The following FRY variants were observed in gnomAD, a reference collection of about 807,000 sequenced individuals.
FRY encodes the protein FRY microtubule binding protein, also known as protein furry homolog.
FRY carries 128 observed loss-of-function variants against 348.4 expected under a neutral mutation model. The observed-to-expected ratio is 0.37, with a 90% CI of 0.32 to 0.43. The LOEUF is 0.43. Ranked by LOEUF, FRY falls within the 20% of genes least tolerant of loss-of-function variation. The pLI, the probability that FRY is intolerant of heterozygous loss-of-function variation, is 1.00. For synonymous variants in FRY, 1,370 were observed against 1,374.7 expected, an observed-to-expected ratio of 1.00 and a Z score of 0.08; for missense variants, 2,736 against 3,695.2, an observed-to-expected ratio of 0.74 and a Z score of 6.73.
In FRY at chr13:32,225,008, A is replaced by G. The variant is rs1218996229; in HGVS notation, c.4992A>G (p.Leu1664=). The change falls in exon 38 of 61, where the codon CTA becomes CTG. Residue 1664 remains leucine (L), a synonymous_variant. Transcript: ENST00000542859. The stretch of plus-strand genomic sequence containing the variant: ...TACGAGAAGACTGGGCGCTTCATCT[A>G]CCATTATTACTTCATGCTGTCTTCT... ...HSVREDWALH[L]PLLLHAVFLG... The G allele has an allele frequency of 1.9e-6, 3 of 1,606,688 alleles. No individual in the cohort carries two copies. Among genetic ancestry groups the G allele is most frequent in the African/African-American group, 2.7e-5 (2 of 74,798 alleles).
chr13:32,177,176 T>G (rs1324412154), intron 20 of FRY, among the ~76,000 whole-genome samples: 1 of 152,228 alleles, frequency 6.6e-6, no homozygotes, highest in Non-Finnish European at 1.5e-5. Context: ...CCCCTGAACT[T>G]TGGTATCTAG....
At chr13:32,210,811 G>A in intron 33 of FRY, 55 bp from the exon 34 acceptor site, 1 of 1,438,870 alleles carries the variant, frequency 6.9e-7, no homozygotes, top group East Asian at 2.3e-5. Flanking sequence ...CTGGCCTAGT[G>A]TTCCTGTGGA....
At chr13:32,103,100 A>T (rs1222963220) in intron 3 of FRY, among the ~76,000 whole-genome samples, 1 of 152,214 alleles carries the variant, frequency 6.6e-6, no homozygotes, top group African/African-American at 2.4e-5. Context: ...TCTGTGAAGG[A>T]GACCTCACAG....
At chr13:32,220,405 A>T (rs1885254019) in intron 36 of FRY, among the ~76,000 whole-genome samples, 1 of 152,232 alleles carries the variant, frequency 6.6e-6, no homozygotes, top group Non-Finnish European at 1.5e-5. Context: ...TAAAACCTTC[A>T]CTAGAGCTGT....
At chr13:32,293,949 C>A (rs1889502767) in intron 59 of FRY, among the ~76,000 whole-genome samples, 2 of 152,150 alleles carry the variant, frequency 1.3e-5, no homozygotes, top group African/African-American at 4.8e-5. Flanking sequence ...CTATTATCTT[C>A]AGTCTCACAG....
At position 32,178,272 on chromosome 13, in the gene FRY, C is replaced by T; in HGVS notation, c.2517C>T (p.Ser839=). ...VNSHYDVKSP[S]HVWIFAQSVK... ...GCCATTATGATGTGAAAAGCCCTTCCCATGTCTGGATATTTGCACAGTCTG... is the reference window on the plus strand; with the variant it reads ...GCCATTATGATGTGAAAAGCCCTTCTCATGTCTGGATATTTGCACAGTCTG... Residue 839 remains serine (S), a synonymous_variant, in exon 21 of 61, where the codon TCC becomes TCT. Coordinates refer to ENST00000542859, the MANE Select transcript of FRY (RefSeq NM_023037.3). 6.2e-7 allele frequency: 1 copy of T among 1,614,152 alleles called. No individual in the cohort carries two copies. Among genetic ancestry groups the T allele is most frequent in the Non-Finnish European group, 8.5e-7 (1 of 1,180,000 alleles).
intron 11 of FRY, among the ~76,000 whole-genome samples, chr13:32,141,695 GATTGCATCACCAGCCAA>G (rs1477626610): frequency 6.6e-6 from 1 of 152,160 alleles, no homozygotes. Flanking sequence ...CTATACCACT[GATTGCATCACCAGCCAA>G]GTTATCAGTG....
chr13:32,194,394 A>T, intron 29 of FRY, 97 bp downstream of exon 29: 1 of 1,069,630 alleles, frequency 9.3e-7, no homozygotes, highest in Non-Finnish European at 1.4e-6. Context: ...TATATGAGCA[A>T]AGTAAGTTCT....
At chr13:32,272,912 A>ATTT (rs375185878) in intron 55 of FRY, among the ~76,000 whole-genome samples, 18 of 147,178 alleles carry the variant, frequency 1.2e-4, no homozygotes, top group Admixed American at 1.4e-4. Flanking sequence ...ATTTTTTGGT[A>ATTT]TTTTTTTTTT....
At chr13:32,151,048 G>C (rs571506240) in intron 14 of FRY, among the ~76,000 whole-genome samples, 4 of 152,212 alleles carry the variant, frequency 2.6e-5, no homozygotes, top group Non-Finnish European at 5.9e-5. Flanking sequence ...GCCCAGAGCT[G>C]TACAGTGAAG....
Position 32,178,383 on chromosome 13 carries a change from C to A in FRY, c.2628C>A (p.Ala876=). ...PKHCPTALSY[A]WPYAFTRLQS... is the part of the protein sequence containing the mutation. ...ACTGCCCCACAGCCCTCAGCTATGC[C>A]TGGCCTTATGCCTTCACTCGGCTCC... The change falls in exon 21 of 61, where the codon GCC becomes GCA. Residue 876 remains alanine, a synonymous_variant. Coordinates refer to ENST00000542859, the MANE Select transcript of FRY (RefSeq NM_023037.3). 6.2e-7 allele frequency: 1 copy of A among 1,614,192 alleles called. No homozygotes were observed. Among genetic ancestry groups the A allele is most frequent in the Non-Finnish European group, 8.5e-7 (1 of 1,180,000 alleles).
At chr13:32,067,444 C>T (rs1472468135) in intron 1 of FRY, among the ~76,000 whole-genome samples, 1 of 152,020 alleles carries the variant, frequency 6.6e-6, no homozygotes, top group African/African-American at 2.4e-5. Context: ...AGGGAGTTTC[C>T]AGGCTTAAAA....
chr13:32,148,047 T>A, intron 13 of FRY, 100 bp downstream of exon 13: 1 of 773,766 alleles, frequency 1.3e-6, no homozygotes, highest in South Asian at 1.4e-5. Flanking sequence ...TAAATTAGCA[T>A]CTTACGTGTT....
chr13:32,200,691 A>G (rs1168242551), intron 29 of FRY, among the ~76,000 whole-genome samples: 2 of 152,236 alleles, frequency 1.3e-5, no homozygotes, highest in Non-Finnish European at 2.9e-5. Flanking sequence ...AAAAGATAAC[A>G]TCTTTAAATA....
At chr13:32,041,769 G>A (rs1037464494) in intron 1 of FRY, among the ~76,000 whole-genome samples, 1 of 152,180 alleles carries the variant, frequency 6.6e-6, no homozygotes, top group Admixed American at 6.5e-5. Flanking sequence ...GAAAATCAGA[G>A]ATGTTTTTGT....
At chr13:32,255,267 T>A (rs115676917) in intron 51 of FRY, among the ~76,000 whole-genome samples, 2,816 of 152,296 alleles carry the variant, frequency 0.018, 88 homozygotes, top group African/African-American at 0.057. Flanking sequence ...AACGACTCTC[T>A]GCTAGTCCTA....
At chr13:32,159,031 G>A (rs554189895) in intron 16 of FRY, among the ~76,000 whole-genome samples, 1 of 148,766 alleles carries the variant, frequency 6.7e-6, no homozygotes, top group Non-Finnish European at 1.5e-5. Flanking sequence ...GATAGGTTCA[G>A]GACAAAAACA....
chr13:32,127,977 CTAACTA>C (rs1431714548), intron 7 of FRY, among the ~76,000 whole-genome samples: 2 of 152,094 alleles, frequency 1.3e-5, no homozygotes, highest in African/African-American at 2.4e-5. Context: ...CTATATAACT[CTAACTA>C]TAATATTTTT....
In FRY at chr13:32,178,414, G is replaced by C; in HGVS notation, c.2659G>C (p.Val887Leu). The change falls in exon 21 of 61, where the codon GTG (valine) becomes CTG (leucine). Residue 887 changes from valine (V) to leucine (L), a missense_variant. Val to Leu is a conservative substitution (Grantham distance 32). Around this residue, in one of 9 missense-constraint regions of FRY, gnomAD observed 449 missense variants for 576.9 expected, o/e 0.78. Transcript: ENST00000542859. ...WPYAFTRLQS[V>L]MPLVDPNSPI... The stretch of plus-strand genomic sequence containing the variant: ...TTATGCCTTCACTCGGCTCCAGTCG[G>C]TGATGCCTCTGGTGGACCCAAAGTA... 7 of 1,614,150 alleles carry C rather than the reference G, an allele frequency of 4.3e-6. No homozygotes were observed. The highest frequency in any genetic ancestry group is 1.1e-5 in the South Asian group (1 of 91,078).
Sources: allele counts gnomAD v4.1 joint callset (sites outside exome capture counted in the v4.1 genomes callset), GRCh38; gene constraint gnomAD v4.1.1; regional missense constraint gnomAD v4.1.1; transcripts MANE v1.5; gene names NCBI Gene and HGNC (gene_info 2026-07-23, HGNC 2026-07-21).